APPBP2: variants seen among roughly 807,000 people sequenced by gnomAD.
APPBP2 encodes amyloid protein-binding protein 2.
APPBP2 carries 15 observed loss-of-function variants against 76.0 expected under a neutral mutation model. The ratio of observed to expected loss-of-function variants is 0.20; its 90% confidence interval spans 0.13 to 0.30. The LOEUF is 0.30. APPBP2 is among the 10% of genes least tolerant of loss of function. APPBP2 has a pLI of 1.00. For synonymous variants in APPBP2, 222 were observed against 242.2 expected (o/e 0.92, Z 0.77); for missense variants, 401 against 687.2 (o/e 0.58, Z 4.66).
At chr17:60,463,148 C>CT (rs929508515) in intron 6 of APPBP2, among the ~76,000 whole-genome samples, 2 of 152,162 alleles carry the variant, frequency 1.3e-5, no homozygotes, top group Non-Finnish European at 2.9e-5. Context: ...ATATTAGACT[C>CT]TCTCAGATCT....
intron 3 of APPBP2, among the ~76,000 whole-genome samples, chr17:60,480,926 GCTT>G (rs1412924431): frequency 3.3e-5 from 5 of 152,140 alleles, no homozygotes; most frequent in Non-Finnish European, 7.3e-5. Context: ...CCCAGGGTGT[GCTT>G]CTTTTCTTTG....
intron 3 of APPBP2, among the ~76,000 whole-genome samples, chr17:60,486,641 T>C (rs2090680640): frequency 6.6e-6 from 1 of 152,202 alleles, no homozygotes; most frequent in Non-Finnish European, 1.5e-5. Flanking sequence ...TTTTGCGTCT[T>C]TATCCAGTTT....
intron 9 of APPBP2, among the ~76,000 whole-genome samples, chr17:60,458,918 G>A (rs1036097126): frequency 3.3e-5 from 5 of 151,806 alleles, no homozygotes; most frequent in South Asian, 2.1e-4. Context: ...GATTACAGGC[G>A]CATGCCACCA....
Position 60,476,858 on chromosome 17 carries a change from C to T in APPBP2, c.503+2290G>A, listed in dbSNP as rs79833242. Among the ~76,000 whole-genome samples, 377 of 152,314 alleles carry T rather than the reference C, an allele frequency of 2.5e-3. 1 individual carries two copies. The highest frequency in any genetic ancestry group is 8.8e-3 in the African/African-American group (365 of 41,590). ...CCTCCCAAAGTGCTAGGATTACAGT[C>T]GTGAGCCACTGCACCCAGCCAGTTA... On this transcript the variant is annotated intron_variant, in intron 4 of 12. Transcript: ENST00000083182.
At chr17:60,518,988 T>C (rs1476011103) in intron 1 of APPBP2, among the ~76,000 whole-genome samples, 2 of 152,248 alleles carry the variant, frequency 1.3e-5, no homozygotes, top group African/African-American at 4.8e-5. Context: ...AGACAAGTTC[T>C]CACTGTGTTG....
chr17:60,496,726 T>C (rs879490304), intron 2 of APPBP2, among the ~76,000 whole-genome samples: 17 of 146,460 alleles, frequency 1.2e-4, no homozygotes, highest in Non-Finnish European at 2.5e-4. Flanking sequence ...TACTTACTTA[T>C]TTTATTTTTT....
chr17:60,481,281 A>C (rs1389927154), intron 3 of APPBP2, among the ~76,000 whole-genome samples: 3 of 152,118 alleles, frequency 2.0e-5, no homozygotes, highest in Non-Finnish European at 4.4e-5. Flanking sequence ...TTAGTTCTCT[A>C]GTATCTGGTT....
intron 1 of APPBP2, among the ~76,000 whole-genome samples, chr17:60,516,406 T>G (rs1598376727): frequency 6.6e-6 from 1 of 152,214 alleles, no homozygotes; most frequent in East Asian, 1.9e-4. Flanking sequence ...TAAACAGAAC[T>G]GTCAGGTATT....
At chr17:60,501,377 C>CG (rs1212306516) in intron 1 of APPBP2, among the ~76,000 whole-genome samples, 3 of 152,054 alleles carry the variant, frequency 2.0e-5, no homozygotes, top group Non-Finnish European at 2.9e-5. Flanking sequence ...CCTGCAACCC[C>CG]GCCTCAATGT....
intron 3 of APPBP2, among the ~76,000 whole-genome samples, chr17:60,488,995 G>A (rs1012462233): frequency 2.6e-5 from 4 of 151,708 alleles, no homozygotes; most frequent in South Asian, 4.2e-4. Flanking sequence ...GACTGAGCTG[G>A]GTGGATCACG....
intron 4 of APPBP2, among the ~76,000 whole-genome samples, chr17:60,471,236 A>G (rs1264414506): frequency 6.6e-6 from 1 of 152,152 alleles, no homozygotes; most frequent in Non-Finnish European, 1.5e-5. Flanking sequence ...TTGATTTACA[A>G]AAGTTTTTAT....
At chr17:60,508,076 G>A (rs943732910) in intron 1 of APPBP2, among the ~76,000 whole-genome samples, 1 of 151,752 alleles carries the variant, frequency 6.6e-6, no homozygotes, top group Non-Finnish European at 1.5e-5. Flanking sequence ...GGGCTCAAGC[G>A]ATTCTCCAGC....
intron 12 of APPBP2, among the ~76,000 whole-genome samples, chr17:60,449,770 T>A (rs1281723078): frequency 1.3e-5 from 2 of 152,006 alleles, no homozygotes; most frequent in Admixed American, 1.3e-4. Context: ...TAGAAAAAAA[T>A]ATCTTTATTA....
chr17:60,460,607 C>G (rs944187050), intron 9 of APPBP2, 56 bp downstream of exon 9: 31 of 1,555,052 alleles, frequency 2.0e-5, no homozygotes, highest in Non-Finnish European at 2.5e-5. Context: ...TGGGAAAAAA[C>G]AAAATAAAAC....
chr17:60,524,352 G>C (rs903834853), intron 1 of APPBP2, among the ~76,000 whole-genome samples: 1 of 152,112 alleles, frequency 6.6e-6, no homozygotes, highest in Non-Finnish European at 1.5e-5. Flanking sequence ...CCCAGGCTGA[G>C]AAAGACAAAT....
At position 60,526,202 on chromosome 17, in the gene APPBP2, C is replaced by A. The variant is rs767976860; in HGVS notation, c.-271G>T. On this transcript the variant is annotated 5_prime_UTR_variant, in exon 1 of 13. Coordinates refer to ENST00000083182, the MANE Select transcript of APPBP2 (RefSeq NM_006380.5). ...CCCGGTTCGAGAGGAACCCGGGTTC[C>A]GTCCCAGCGCTGATCTCTGCAGGGG... 2 of 443,916 alleles carry A rather than the reference C, an allele frequency of 4.5e-6. No individual in the cohort carries two copies. Among genetic ancestry groups the A allele is most frequent in the Non-Finnish European group, 8.4e-6 (2 of 238,480 alleles). The allele number at this position is 443,916 out of a possible 1,614,324, so 27.5% of individuals were successfully genotyped here. A position where few individuals can be genotyped will look rare whatever the true frequency, so the allele number is the denominator to read the frequency against.
In APPBP2 at chr17:60,447,935, G is replaced by T. The variant is rs990479626; in HGVS notation, c.1505-101C>A. 65 of 1,146,136 alleles carry T rather than the reference G, an allele frequency of 5.7e-5. 1 individual carries two copies. The South Asian group carries it at 9.6e-4, about 17-fold the overall frequency. The allele number at this position is 1,146,136 out of a possible 1,614,324, so 71.0% of individuals were successfully genotyped here. A position where few individuals can be genotyped will look rare whatever the true frequency, so the allele number is the denominator to read the frequency against. Reference sequence around the variant, plus strand: ...CAAGTTCAATTCTTTAAACAGGGTGGCTTAGGTTTATTCCCCTGAAAGGAA... The same window carrying T: ...CAAGTTCAATTCTTTAAACAGGGTGTCTTAGGTTTATTCCCCTGAAAGGAA... On this transcript the variant is annotated intron_variant, in intron 12 of 12. Coordinates refer to ENST00000083182, the MANE Select transcript of APPBP2 (RefSeq NM_006380.5).
chr17:60,524,080 G>C (rs150684469), intron 1 of APPBP2, among the ~76,000 whole-genome samples: 1,898 of 152,214 alleles, frequency 0.012, 23 homozygotes, highest in South Asian at 0.03. Flanking sequence ...GTACCAAAAA[G>C]GAGCAATATT....
intron 2 of APPBP2, among the ~76,000 whole-genome samples, chr17:60,499,351 G>C (rs959513467): frequency 2.0e-5 from 3 of 151,226 alleles, no homozygotes; most frequent in African/African-American, 7.3e-5. Flanking sequence ...AAAAAATATG[G>C]AAAACAGTAT....
Sources: allele counts gnomAD v4.1 joint callset (sites outside exome capture counted in the v4.1 genomes callset), GRCh38; gene constraint gnomAD v4.1.1; transcripts MANE v1.5; gene names NCBI Gene and HGNC (gene_info 2026-07-23, HGNC 2026-07-21).